Variants in TMEM135 observed in about 807,000 individuals in gnomAD.
TMEM135 encodes peroxisomal membrane protein 52.
In TMEM135, 30 loss-of-function variants were observed where a neutral mutation model predicts 60.3. That is an observed-to-expected ratio of 0.50 (90% CI 0.37 to 0.68). The LOEUF is 0.68. Among genes scored for constraint, TMEM135 ranks in the 30% least tolerant of loss-of-function variants. TMEM135 has a pLI of 0.00. For synonymous variants in TMEM135, 190 were observed against 186.7 expected (o/e 1.02, Z -0.14); for missense variants, 468 against 548.8 (o/e 0.85, Z 1.47).
intron 5 of TMEM135, among the ~76,000 whole-genome samples, chr11:87,233,351 G>A (rs1376473447): frequency 6.6e-6 from 1 of 151,986 alleles, no homozygotes; most frequent in East Asian, 1.9e-4. Context: ...AAAAAAGCAG[G>A]AAACTATTAT....
chr11:87,055,429 AAACTTCCTTCTAG>A (rs1324428479), intron 1 of TMEM135, among the ~76,000 whole-genome samples: 1 of 152,230 alleles, frequency 6.6e-6, no homozygotes, highest in Non-Finnish European at 1.5e-5. Flanking sequence ...TCTGAAACTG[AAACTTCCTTCTAG>A]TAAAATCTAT....
intron 5 of TMEM135, among the ~76,000 whole-genome samples, chr11:87,159,845 T>A (rs676503): frequency 0.13 from 19,620 of 152,140 alleles, 1,336 homozygotes; most frequent in Middle Eastern, 0.15. Context: ...ATAAGAACAA[T>A]GGTAGATAAT....
intron 8 of TMEM135, among the ~76,000 whole-genome samples, chr11:87,305,202 A>G (rs1293153447): frequency 6.6e-6 from 1 of 152,164 alleles, no homozygotes; most frequent in African/African-American, 2.4e-5. Context: ...CTTTTGCTCA[A>G]GTACTGACTT....
At chr11:87,060,647 C>CTTTTT (rs11459506) in intron 1 of TMEM135, among the ~76,000 whole-genome samples, 1 of 143,542 alleles carries the variant, frequency 7.0e-6, no homozygotes, top group African/African-American at 2.6e-5. Context: ...TTTTTCTTTC[C>CTTTTT]TTTTTTTTTT....
chr11:87,177,447 A>G (rs1327575972), intron 5 of TMEM135, among the ~76,000 whole-genome samples: 1 of 152,152 alleles, frequency 6.6e-6, no homozygotes, highest in African/African-American at 2.4e-5. Context: ...TGCCTTCTAT[A>G]ATCTTGGAAA....
chr11:87,305,157 T>C (rs879584341), intron 8 of TMEM135, among the ~76,000 whole-genome samples: 20 of 152,320 alleles, frequency 1.3e-4, no homozygotes, highest in Non-Finnish European at 2.6e-4. Flanking sequence ...TAATTAAGTA[T>C]AAATTCCTGT....
intron 1 of TMEM135, among the ~76,000 whole-genome samples, chr11:87,045,433 A>G (rs1949787763): frequency 6.6e-6 from 1 of 151,564 alleles, no homozygotes; most frequent in Non-Finnish European, 1.5e-5. Context: ...GTAAGGGCTT[A>G]GTATTGCAGT....
At chr11:87,318,767 C>T (rs1247133255) in intron 13 of TMEM135, among the ~76,000 whole-genome samples, 2 of 151,926 alleles carry the variant, frequency 1.3e-5, no homozygotes, top group Non-Finnish European at 2.9e-5. Flanking sequence ...TAAAATGCTG[C>T]CAGCTTGAAA....
At chr11:87,047,623 G>A (rs938117938) in intron 1 of TMEM135, among the ~76,000 whole-genome samples, 8 of 118,990 alleles carry the variant, frequency 6.7e-5, no homozygotes, top group Admixed American at 1.7e-4. Context: ...AAAAAACGGC[G>A]CACCACGAGA....
chr11:87,316,047 T>C (rs967848975), intron 12 of TMEM135, among the ~76,000 whole-genome samples: 1 of 151,982 alleles, frequency 6.6e-6, no homozygotes, highest in Non-Finnish European at 1.5e-5. Flanking sequence ...TAGTTTGTTT[T>C]AGTGGGAAAT....
chr11:87,073,698 C>A (rs577175464), intron 3 of TMEM135, among the ~76,000 whole-genome samples: 1 of 151,332 alleles, frequency 6.6e-6, no homozygotes, highest in Non-Finnish European at 1.5e-5. Context: ...GACGGAGTCT[C>A]GCTCTGTTGC....
chr11:87,097,741 A>T (rs1565439669), intron 4 of TMEM135, among the ~76,000 whole-genome samples: 1 of 152,124 alleles, frequency 6.6e-6, no homozygotes, highest in East Asian at 1.9e-4. Context: ...GGACTTTGAT[A>T]CTTGCTGTTC....
chr11:87,145,941 C>T (rs1938402895), intron 4 of TMEM135, among the ~76,000 whole-genome samples: 1 of 152,084 alleles, frequency 6.6e-6, no homozygotes, highest in Admixed American at 6.6e-5. Flanking sequence ...ATGTAATTCC[C>T]ATTTGTCTAT....
chr11:87,183,674 G>A (rs1939578321), intron 5 of TMEM135, among the ~76,000 whole-genome samples: 1 of 151,910 alleles, frequency 6.6e-6, no homozygotes, highest in Non-Finnish European at 1.5e-5. Flanking sequence ...TAAAAATTCT[G>A]GCCAGGTGCG....
At chr11:87,247,992 A>T (rs549493742) in intron 6 of TMEM135, among the ~76,000 whole-genome samples, 1 of 150,010 alleles carries the variant, frequency 6.7e-6, no homozygotes, top group African/African-American at 2.5e-5. Flanking sequence ...CTATTCAGCC[A>T]TCTTGGCTGC....
In TMEM135 at chr11:87,321,207, T is replaced by C. The variant is rs745563737; in HGVS notation, c.1251T>C (p.Ala417=). The part of the protein sequence containing the change: ...FLLRLTKGKF[A]VMNRKVLDVF... The stretch of plus-strand genomic sequence containing the variant: ...TGTATTCTTTGTTTTACAGATTTGC[T>C]GTCATGAACCGAAAAGTCCTTGATG... The change falls in exon 15 of 15, where the codon GCT becomes GCC. Residue 417 remains alanine (A), a synonymous_variant. Coordinates refer to ENST00000305494, the MANE Select transcript of TMEM135 (RefSeq NM_022918.4). 1.1e-5 allele frequency: 17 copies of C among 1,612,700 alleles called. No individual in the cohort carries two copies. The Admixed American group carries it at 2.7e-4, about 25-fold the overall frequency.
intron 6 of TMEM135, among the ~76,000 whole-genome samples, chr11:87,288,912 T>G (rs989444429): frequency 2.0e-5 from 3 of 152,146 alleles, no homozygotes; most frequent in Non-Finnish European, 2.9e-5. Context: ...ATTGTTTGAG[T>G]CCAGGAGTTT....
intron 5 of TMEM135, among the ~76,000 whole-genome samples, chr11:87,204,831 C>G (rs1298866856): frequency 6.6e-6 from 1 of 152,084 alleles, no homozygotes; most frequent in East Asian, 1.9e-4. Flanking sequence ...ACAAATGGAT[C>G]TGCACAGTTC....
chr11:87,247,668 G>C (rs1470935169), intron 6 of TMEM135, among the ~76,000 whole-genome samples: 1 of 152,208 alleles, frequency 6.6e-6, no homozygotes, highest in Non-Finnish European at 1.5e-5. Context: ...CCAGGTGTGG[G>C]ATATAATCTC....
Sources: gnomAD v4.1 joint callset for allele counts (sites outside exome capture counted in the v4.1 genomes callset) on GRCh38, gnomAD v4.1.1 for gene constraint, MANE v1.5 for transcripts, NCBI Gene and HGNC (gene_info 2026-07-23, HGNC 2026-07-21) for gene names.